Variants in SDK1 observed in about 807,000 individuals in gnomAD.
The protein encoded by SDK1 is protein sidekick-1.
Under a neutral mutation model 245.5 loss-of-function variants are expected in SDK1, and 157 were observed. The observed-to-expected ratio is 0.64, with a 90% CI of 0.56 to 0.73. The LOEUF (loss-of-function observed/expected upper bound fraction) is 0.73. Among genes scored for constraint, SDK1 ranks in the 30% least tolerant of loss-of-function variants. SDK1 has a pLI of 0.00. For synonymous variants in SDK1, 1,647 were observed against 1,278.5 expected, an observed-to-expected ratio of 1.29 and a Z score of -6.15; for missense variants, 3,583 against 3,002.3, an observed-to-expected ratio of 1.19 and a Z score of -4.52.
intron 2 of SDK1, among the ~76,000 whole-genome samples, chr7:3,628,073 C>T (rs1782174892): frequency 6.6e-6 from 1 of 152,096 alleles, no homozygotes; most frequent in Non-Finnish European, 1.5e-5. Flanking sequence ...CTTAACTGCG[C>T]TCCCTTTGGC....
At chr7:3,707,664 T>C (rs1429995193) in intron 4 of SDK1, among the ~76,000 whole-genome samples, 1 of 152,202 alleles carries the variant, frequency 6.6e-6, no homozygotes, top group Admixed American at 6.5e-5. Flanking sequence ...GCCCCCCCTA[T>C]TATCGTGTTT....
rs888033225 is a variant in SDK1 at position 4,018,004 on chromosome 7, G to C, written c.2602+652G>C. On this transcript the variant is annotated intron_variant, in intron 17 of 44. Transcript: ENST00000404826. ...TGTTTTCTGAAAGATTCAGATCTCAGCCCCAGGAGGAGCCAGCATTGGGAG... is the reference window on the plus strand; with the variant it reads ...TGTTTTCTGAAAGATTCAGATCTCACCCCCAGGAGGAGCCAGCATTGGGAG... 5.9e-5 allele frequency among the ~76,000 whole-genome samples: 9 copies of C among 152,194 alleles called. 1 individual carries two copies. The South Asian group carries it at 1.9e-3, about 32-fold the overall frequency.
intron 4 of SDK1, among the ~76,000 whole-genome samples, chr7:3,760,060 G>C (rs1780048502): frequency 6.6e-6 from 1 of 152,014 alleles, no homozygotes; most frequent in African/African-American, 2.4e-5. Context: ...CTGCACAAAA[G>C]AGCATTATCA....
At chr7:3,908,878 T>A (rs940987092) in intron 5 of SDK1, among the ~76,000 whole-genome samples, 2 of 151,658 alleles carry the variant, frequency 1.3e-5, no homozygotes, top group African/African-American at 4.8e-5. Flanking sequence ...TGATCCACAT[T>A]AGAAAGGTAT....
intron 4 of SDK1, among the ~76,000 whole-genome samples, chr7:3,685,553 T>A (rs1784255848): frequency 6.6e-6 from 1 of 152,124 alleles, no homozygotes; most frequent in South Asian, 2.1e-4. Context: ...GCAAATATAA[T>A]ACACAATCAA....
intron 5 of SDK1, among the ~76,000 whole-genome samples, chr7:3,824,406 A>C (rs753316500): frequency 1.3e-5 from 2 of 152,226 alleles, no homozygotes; most frequent in African/African-American, 4.8e-5. Context: ...AGAATAAAGC[A>C]GGGAACCTTT....
rs1431847168 is a variant in SDK1 at position 3,580,983 on chromosome 7, AAAAAAAAAAAACCAAAAC to A, written c.299-38092_299-38075del. Among the ~76,000 whole-genome samples the A allele has an allele frequency of 1.9e-4, 26 of 139,846 alleles. 2 individuals carry two copies. Among genetic ancestry groups the A allele is most frequent in the Middle Eastern group, 3.5e-3 (1 of 282 alleles). The allele number at this position is 139,846 out of a possible 152,430, so 91.7% of individuals were successfully genotyped here. ...GACTCCATCTCAAAAAAAAAAAAAA[AAAAAAAAAAAACCAAAAC>A]AAAACCCTGGAAGACAATCTATGCA... On this transcript the variant is annotated intron_variant, in intron 1 of 44. Coordinates refer to ENST00000404826, the MANE Select transcript of SDK1 (RefSeq NM_152744.4).
intron 14 of SDK1, among the ~76,000 whole-genome samples, chr7:4,006,748 C>G (rs1049693754): frequency 2.6e-5 from 4 of 152,214 alleles, no homozygotes; most frequent in African/African-American, 9.6e-5. Context: ...TGCAGCAGGA[C>G]TGGGCAGGCC....
intron 21 of SDK1, among the ~76,000 whole-genome samples, 157 bp downstream of exon 21, chr7:4,077,346 C>T (rs914476521): frequency 1.3e-5 from 2 of 152,172 alleles, no homozygotes; most frequent in East Asian, 3.8e-4. Context: ...GGGTGTTGAC[C>T]CCACTTCAGC....
intron 1 of SDK1, among the ~76,000 whole-genome samples, chr7:3,366,957 G>A (rs1020848408): frequency 2.4e-4 from 37 of 151,918 alleles, no homozygotes; most frequent in Non-Finnish European, 5.1e-4. Context: ...GGCCAGGATG[G>A]TCTCGATCTC....
At chr7:4,138,278 C>G (rs765695686) in intron 28 of SDK1, among the ~76,000 whole-genome samples, 4 of 152,180 alleles carry the variant, frequency 2.6e-5, no homozygotes, top group East Asian at 1.9e-4. Flanking sequence ...CAAACTCCCC[C>G]CTTCCTACTT....
chr7:3,787,699 A>G (rs1780948755), intron 4 of SDK1, among the ~76,000 whole-genome samples: 1 of 152,142 alleles, frequency 6.6e-6, no homozygotes, highest in Non-Finnish European at 1.5e-5. Flanking sequence ...TGGCCAGGTC[A>G]TCAGAAAACA....
At chr7:3,330,930 C>T (rs1388802108) in intron 1 of SDK1, among the ~76,000 whole-genome samples, 3 of 151,412 alleles carry the variant, frequency 2.0e-5, no homozygotes, top group Non-Finnish European at 2.9e-5. Context: ...CCTGTCATTG[C>T]ACTCCAGCCT....
intron 1 of SDK1, among the ~76,000 whole-genome samples, chr7:3,496,718 C>T (rs899277873): frequency 2.6e-5 from 4 of 152,200 alleles, no homozygotes; most frequent in African/African-American, 9.7e-5. Context: ...GACTACTTTA[C>T]TTCTCCGTTC....
intron 1 of SDK1, among the ~76,000 whole-genome samples, chr7:3,328,034 T>C (rs1441677366): frequency 6.6e-6 from 1 of 152,112 alleles, no homozygotes; most frequent in African/African-American, 2.4e-5. Context: ...GATTACTATG[T>C]GGAGCATATT....
chr7:4,000,595 T>TCCTG (rs1427673980), intron 14 of SDK1, among the ~76,000 whole-genome samples: 2 of 152,214 alleles, frequency 1.3e-5, no homozygotes, highest in Non-Finnish European at 2.9e-5. Context: ...TGAAAGCTGC[T>TCCTG]CCTGGCTGTC....
intron 4 of SDK1, among the ~76,000 whole-genome samples, chr7:3,766,491 G>T (rs1780256873): frequency 6.6e-6 from 1 of 152,214 alleles, no homozygotes; most frequent in East Asian, 1.9e-4. Context: ...AGCAAATGGG[G>T]TAATTGTACC....
intron 4 of SDK1, among the ~76,000 whole-genome samples, chr7:3,722,582 C>T (rs1039191215): frequency 6.6e-6 from 1 of 152,182 alleles, no homozygotes; most frequent in Non-Finnish European, 1.5e-5. Flanking sequence ...TAGGGATGCA[C>T]TGTGTGTACG....
intron 1 of SDK1, among the ~76,000 whole-genome samples, chr7:3,484,200 A>G (rs1470899327): frequency 6.6e-6 from 1 of 152,230 alleles, no homozygotes; most frequent in African/African-American, 2.4e-5. Context: ...CCACGGATAC[A>G]AAATTTCACC....
Sources: allele counts gnomAD v4.1 joint callset (sites outside exome capture counted in the v4.1 genomes callset), GRCh38; gene constraint gnomAD v4.1.1; transcripts MANE v1.5; gene names NCBI Gene and HGNC (gene_info 2026-07-23, HGNC 2026-07-21).